TCN2: variants seen among roughly 807,000 people sequenced by gnomAD.
The protein encoded by TCN2 is transcobalamin 2.
A neutral mutation model predicts 48.6 loss-of-function variants in TCN2; 34 were observed. The observed-to-expected ratio is 0.70, with a 90% CI of 0.53 to 0.93. The LOEUF (loss-of-function observed/expected upper bound fraction) is 0.93. Ranked by LOEUF, TCN2 falls within the 40% of genes least tolerant of loss-of-function variation. TCN2 has a pLI of 0.00. For missense variants in TCN2, 652 were observed against 526.1 expected (o/e 1.24, Z -2.34); for synonymous variants, 283 against 212.5 (o/e 1.33, Z -2.89).
chr22:30,608,274 A>G (rs1602040647), intron 1 of TCN2, among the ~76,000 whole-genome samples: 1 of 152,212 alleles, frequency 6.6e-6, no homozygotes, highest in Non-Finnish European at 1.5e-5. Context: ...AGTCATGTCC[A>G]GGTGTCAAGT....
rs778641068 is a variant in TCN2, at chr22:30,615,325, C to T, written c.605C>T (p.Ala202Val). The T allele has an allele frequency of 5.6e-6, 9 of 1,614,070 alleles. No individual in the cohort carries two copies. Among genetic ancestry groups the T allele is most frequent in the East Asian group, 4.5e-5 (2 of 44,890 alleles). ...GACACAGCAGCCATGGCAGGCTTGG[C>T]ATTCACCTGTCTGAAGCGCTCAAAC... ...SVDTAAMAGL[A>V]FTCLKRSNFN... The change falls in exon 5 of 9, where the codon GCA becomes GTA. Residue 202 changes from alanine (A) to valine (V), a missense_variant. Physicochemically the swap from Ala to Val is moderately conservative, Grantham distance 64. Transcript: ENST00000215838.
rs948513805 is a variant in TCN2 at position 30,614,218 on chromosome 22, CAATGAAGG to C, written c.428-121_428-114del. On this transcript the variant is annotated intron_variant, in intron 3 of 8. Coordinates refer to ENST00000215838, the MANE Select transcript of TCN2 (RefSeq NM_000355.4). ...AGACCTCAGCACGTATGGGCTGAGGCAATGAAGGAATGAAGGATCCCATGACCCAAAAG... is the reference window on the plus strand; with the variant it reads ...AGACCTCAGCACGTATGGGCTGAGGCAATGAAGGATCCCATGACCCAAAAG... The C allele has an allele frequency of 3.8e-5, 46 of 1,206,484 alleles. No homozygotes were observed. In the African/African-American group the frequency reaches 5.0e-4, roughly 13 times the overall value. 74.7% of individuals were successfully genotyped at this position (1,206,484 alleles called of 1,614,324 possible).
At position 30,617,501 on chromosome 22, in the gene TCN2, A is replaced by G. The variant is rs1391132168; in HGVS notation, c.1106+6A>G. Reference sequence around the variant, plus strand: ...CATGAGTTAGGAGGATTCACGTGAGACTCCCACCTCCCAGTCCTCACCCCA... The same window carrying G: ...CATGAGTTAGGAGGATTCACGTGAGGCTCCCACCTCCCAGTCCTCACCCCA... On this transcript the variant is annotated splice_donor_region_variant and intron_variant, in intron 7 of 8. Coordinates refer to ENST00000215838, the MANE Select transcript of TCN2 (RefSeq NM_000355.4). 6.2e-7 allele frequency: 1 copy of G among 1,613,718 alleles called. No homozygotes were observed. Among genetic ancestry groups the G allele is most frequent in the Non-Finnish European group, 8.5e-7 (1 of 1,179,916 alleles).
rs527798142 is a variant in TCN2 at position 30,611,242 on chromosome 22, G to A, written c.257+179G>A. ...AAGGGGTTGGTTGGATTAGATCAGA[G>A]ATGCTAATGCAAGGCTCCTTTTGCT... On this transcript the variant is annotated intron_variant, in intron 2 of 8. Transcript: ENST00000215838. The A allele has an allele frequency of 1.1e-4, 79 of 741,984 alleles. No individual in the cohort carries two copies. The African/African-American group carries it at 1.2e-3, about 12-fold the overall frequency. 46.0% of individuals were successfully genotyped at this position (741,984 alleles called of 1,614,324 possible). A position where few individuals can be genotyped will look rare whatever the true frequency, so the allele number is the denominator to read the frequency against.
At chr22:30,622,680 G>T (rs1189208515) in intron 7 of TCN2, among the ~76,000 whole-genome samples, 1 of 152,174 alleles carries the variant, frequency 6.6e-6, no homozygotes, top group African/African-American at 2.4e-5. Flanking sequence ...CAGCCCCCCA[G>T]AGAGGGGACA....
intron 1 of TCN2, 147 bp from the exon 2 acceptor site, chr22:30,610,724 C>T: frequency 3.8e-6 from 3 of 781,732 alleles, no homozygotes; most frequent in Non-Finnish European, 6.4e-6. Context: ...TTCAGTATGG[C>T]TGCATTTCCC....
intron 7 of TCN2, 91 bp downstream of exon 7, chr22:30,617,586 T>TC (rs1415593080): frequency 6.4e-7 from 1 of 1,564,626 alleles, no homozygotes; most frequent in African/African-American, 1.4e-5. Flanking sequence ...AGGAGAGGGT[T>TC]CCCTCGGGAG....
At chr22:30,609,872 C>T (rs1962276075) in intron 1 of TCN2, among the ~76,000 whole-genome samples, 1 of 152,140 alleles carries the variant, frequency 6.6e-6, no homozygotes, top group African/African-American at 2.4e-5. Flanking sequence ...GGAAAACAGA[C>T]ACGAGGTTGT....
At chr22:30,623,957 C>CATATACACACACACATATGT (rs2087757902) in intron 8 of TCN2, among the ~76,000 whole-genome samples, 1 of 88,810 alleles carries the variant, frequency 1.1e-5, no homozygotes, top group Non-Finnish European at 2.1e-5. Flanking sequence ...CATATGTATA[C>CATATACACACACACATATGT]ATATATACAC....
chr22:30,620,628 T>C (rs577487574), intron 7 of TCN2, among the ~76,000 whole-genome samples: 1 of 152,384 alleles, frequency 6.6e-6, no homozygotes, highest in African/African-American at 2.4e-5. Flanking sequence ...AGACTGAGAT[T>C]ACCCAGAACC....
In TCN2 at chr22:30,615,382, T is replaced by C. The variant is rs1204447234; in HGVS notation, c.662T>C (p.Met221Thr). Residue 221 changes from methionine (M) to threonine (T), a missense_variant, in exon 5 of 9, where the codon ATG (methionine) becomes ACG (threonine). Transcript: ENST00000215838. The part of the protein sequence containing the change: ...FNPGRRQRIT[M>T]AIRTVREEIL... ...CCTGGTCGGAGACAACGGATCACCA[T>C]GGCCATCAGAACAGTGCGAGAGGAG... is the stretch of plus-strand genomic sequence containing the variant. 2 of 1,614,062 alleles carry C rather than the reference T, an allele frequency of 1.2e-6. No individual in the cohort carries two copies. Among genetic ancestry groups the C allele is most frequent in the Admixed American group, 1.7e-5 (1 of 59,992 alleles).
rs1449598206 is a variant in TCN2 at position 30,622,997 on chromosome 22, C to T, written c.1136C>T (p.Pro379Leu). ...TYETQASLSG[P>L]YLTSVMGKAA... ...GAAACACAGGCCTCCTTGTCAGGCC[C>T]CTACTTAACCTCCGTGATGGGGAAA... Residue 379 changes from proline (P) to leucine (L), a missense_variant, in exon 8 of 9, where the codon CCC becomes CTC. Physicochemically the swap from Pro to Leu is moderately conservative, Grantham distance 98. Transcript: ENST00000215838. The T allele has an allele frequency of 3.1e-6, 5 of 1,613,986 alleles. No individual in the cohort carries two copies. Among genetic ancestry groups the T allele is most frequent in the Non-Finnish European group, 4.2e-6 (5 of 1,180,036 alleles).
intron 1 of TCN2, chr22:30,610,178 C>T (rs2087514827): frequency 6.4e-6 from 3 of 470,034 alleles, no homozygotes; most frequent in South Asian, 3.1e-5. Flanking sequence ...CGGCTGCAAG[C>T]TGTGACTGTT....
Position 30,614,627 on chromosome 22 carries a change from T to C in TCN2, c.580+126T>C, listed in dbSNP as rs146555922. On this transcript the variant is annotated intron_variant, in intron 4 of 8. Coordinates refer to ENST00000215838, the MANE Select transcript of TCN2 (RefSeq NM_000355.4). ...TGGGGCTCCTCCGAATCAAGTCCTT[T>C]AGGGACGAATTGGCGAGGGCTCATG... 2.8e-3 allele frequency: 3,934 copies of C among 1,382,708 alleles called. 13 individuals carry two copies. The highest frequency in any genetic ancestry group is 6.2e-3 in the Middle Eastern group (26 of 4,170). 85.7% of individuals were successfully genotyped at this position (1,382,708 alleles called of 1,614,324 possible). A position where few individuals can be genotyped will look rare whatever the true frequency, so the allele number is the denominator to read the frequency against.
Position 30,616,186 on chromosome 22 carries a change from TAAG to T in TCN2, c.940+402_940+404del, listed in dbSNP as rs1429214990. 2.0e-5 allele frequency among the ~76,000 whole-genome samples: 3 copies of T among 152,162 alleles called. No individual in the cohort carries two copies. In the East Asian group the frequency reaches 5.8e-4, roughly 29 times the overall value. On this transcript the variant is annotated intron_variant, in intron 6 of 8. Coordinates refer to ENST00000215838, the MANE Select transcript of TCN2 (RefSeq NM_000355.4). Reference sequence around the variant, plus strand: ...GAGGACGTGACTGGGATTTGCCAATTAAGAATGGAGAAAGAGGCCAGGTGCAGT... The same window carrying T: ...GAGGACGTGACTGGGATTTGCCAATTAATGGAGAAAGAGGCCAGGTGCAGT...
intron 4 of TCN2, 63 bp from the exon 5 acceptor site, chr22:30,615,238 C>T: frequency 6.3e-7 from 1 of 1,577,576 alleles, no homozygotes; most frequent in Non-Finnish European, 8.7e-7. Context: ...GACCCTCAAG[C>T]CCCTGCCTGT....
intron 2 of TCN2, among the ~76,000 whole-genome samples, chr22:30,611,936 A>G (rs1569039045): frequency 1.3e-5 from 2 of 149,040 alleles, no homozygotes; most frequent in Non-Finnish European, 3.0e-5. Flanking sequence ...AAGTGGATGC[A>G]GGGGTGGAGA....
intron 3 of TCN2, 35 bp downstream of exon 3, chr22:30,613,077 G>T (rs147151380): frequency 1.2e-6 from 2 of 1,610,650 alleles, no homozygotes; most frequent in Non-Finnish European, 1.7e-6. Context: ...GTGGGGAGCA[G>T]CTGGGAGGGC....
At chr22:30,613,390 C>T (rs5753235) in intron 3 of TCN2, among the ~76,000 whole-genome samples, 85,407 of 151,984 alleles carry the variant, frequency 0.56, 24,440 homozygotes, top group Non-Finnish European at 0.58. Context: ...AGCAATTCTC[C>T]TGCCTCAGCC....
Sources: allele counts gnomAD v4.1 joint callset (sites outside exome capture counted in the v4.1 genomes callset), GRCh38; gene constraint gnomAD v4.1.1; transcripts MANE v1.5; gene names NCBI Gene and HGNC (gene_info 2026-07-23, HGNC 2026-07-21).